KAT6B: variants seen among roughly 807,000 people sequenced by gnomAD.
KAT6B encodes the protein lysine acetyltransferase 6B.
In KAT6B, 10 loss-of-function variants were observed where a neutral mutation model predicts 187.5. That is an observed-to-expected ratio of 0.05 (90% CI 0.03 to 0.09). KAT6B has a LOEUF of 0.09. Ranked by LOEUF, KAT6B falls within the 10% of genes least tolerant of loss-of-function variation. The probability of loss-of-function intolerance (pLI) is 1.00; values close to 1 mark genes in which losing one functional copy is unlikely to be tolerated. For missense variants in KAT6B, 1,952 were observed against 2,558.9 expected, an observed-to-expected ratio of 0.76 and a Z score of 5.12; for synonymous variants, 861 against 926.8, an observed-to-expected ratio of 0.93 and a Z score of 1.29.
chr10:74,914,323 A>G lies in KAT6B; in HGVS notation c.622-45647A>G, dbSNP rs796556714. On this transcript the variant is annotated intron_variant, in intron 3 of 17. Coordinates refer to ENST00000287239, the MANE Select transcript of KAT6B (RefSeq NM_012330.4). ...AGAAATTTTAAGTCCTGTGACAGAA[A>G]ACAAATGCTGTTCTCACAAAATATG... 1.6e-3 allele frequency among the ~76,000 whole-genome samples: 237 copies of G among 152,340 alleles called. 1 individual carries two copies. The highest frequency in any genetic ancestry group is 5.3e-3 in the African/African-American group (221 of 41,586).
chr10:74,853,564 G>A (rs905124732), intron 3 of KAT6B, among the ~76,000 whole-genome samples: 2 of 151,570 alleles, frequency 1.3e-5, no homozygotes, highest in African/African-American at 4.9e-5. Flanking sequence ...AAAGTACTGG[G>A]GTTATAGGCG....
intron 3 of KAT6B, among the ~76,000 whole-genome samples, chr10:74,887,179 A>G (rs1845342047): frequency 6.6e-6 from 1 of 152,028 alleles, no homozygotes. Flanking sequence ...CAGGTCAGGG[A>G]TGCAGTTCTG....
At chr10:74,960,148 C>T in intron 4 of KAT6B, 70 bp downstream of exon 4, 1 of 994,766 alleles carries the variant, frequency 1.0e-6, no homozygotes, top group Non-Finnish European at 1.6e-6. Context: ...ATTTGTCTCT[C>T]TATTAAAACT....
At position 75,022,135 on chromosome 10, in the gene KAT6B, GGAGGAAGAA is replaced by G. The variant is rs746473801; in HGVS notation, c.3288_3296del (p.Glu1102_Glu1104del). 2.9e-5 allele frequency: 46 copies of G among 1,598,400 alleles called. No individual in the cohort carries two copies. The highest frequency in any genetic ancestry group is 4.5e-5 in the East Asian group (2 of 44,518). ...AGGAAGAAGAGGAAGAGGATGAAGA[GGAGGAAGAA>G]GAGGAAGAAGAAGAAGAAGAAGAAG... On this transcript the variant is annotated inframe_deletion, in exon 16 of 18. Coordinates refer to ENST00000287239, the MANE Select transcript of KAT6B (RefSeq NM_012330.4).
At chr10:74,873,343 T>C (rs1160316048) in intron 3 of KAT6B, among the ~76,000 whole-genome samples, 3 of 149,604 alleles carry the variant, frequency 2.0e-5, no homozygotes, top group Non-Finnish European at 4.4e-5. Context: ...CATGTGCCTG[T>C]GGTTCCAGCT....
At chr10:74,933,913 CGGT>C (rs922995657) in intron 3 of KAT6B, among the ~76,000 whole-genome samples, 1 of 152,050 alleles carries the variant, frequency 6.6e-6, no homozygotes, top group African/African-American at 2.4e-5. Context: ...TGGCCGGGTG[CGGT>C]GGCTTATGCC....
chr10:74,830,980 G>A lies in KAT6B; in HGVS notation c.-329+4195G>A, dbSNP rs181622347. 1.1e-3 allele frequency among the ~76,000 whole-genome samples: 173 copies of A among 150,556 alleles called. 1 individual carries two copies. The highest frequency in any genetic ancestry group is 9.3e-3 in the Admixed American group (140 of 15,104). ...TTTTTTGTATTTTTAGTAGAGATGG[G>A]GTTTTGCCATGTTGGGCAGGCTTGT... On this transcript the variant is annotated intron_variant, in intron 1 of 17. Coordinates refer to ENST00000287239, the MANE Select transcript of KAT6B (RefSeq NM_012330.4).
At chr10:74,839,439 C>G (rs1218254071) in intron 2 of KAT6B, among the ~76,000 whole-genome samples, 1 of 151,916 alleles carries the variant, frequency 6.6e-6, no homozygotes, top group African/African-American at 2.4e-5. Context: ...ACCATGTTGG[C>G]CAGGCTGGTC....
At chr10:74,953,256 T>C (rs1459425894) in intron 3 of KAT6B, among the ~76,000 whole-genome samples, 1 of 152,130 alleles carries the variant, frequency 6.6e-6, no homozygotes, top group Admixed American at 6.5e-5. Context: ...TTTTATAGAG[T>C]AATTCTAAAC....
intron 12 of KAT6B, among the ~76,000 whole-genome samples, chr10:74,985,700 C>T (rs1259454232): frequency 6.6e-6 from 1 of 152,162 alleles, no homozygotes; most frequent in Non-Finnish European, 1.5e-5. Context: ...ACACTTTTGT[C>T]TCTTATTCTC....
At chr10:74,962,367 T>C (rs1254280800) in intron 4 of KAT6B, among the ~76,000 whole-genome samples, 1 of 152,222 alleles carries the variant, frequency 6.6e-6, no homozygotes, top group African/African-American at 2.4e-5. Context: ...CTCAACAGTG[T>C]CCTCAAATAA....
chr10:74,864,729 T>C (rs1198930770), intron 3 of KAT6B, among the ~76,000 whole-genome samples: 1 of 152,132 alleles, frequency 6.6e-6, no homozygotes, highest in Non-Finnish European at 1.5e-5. Flanking sequence ...GTGTTTTGAA[T>C]TGAGGTTAGT....
intron 3 of KAT6B, among the ~76,000 whole-genome samples, chr10:74,920,000 T>C (rs1413513294): frequency 6.6e-6 from 1 of 152,232 alleles, no homozygotes; most frequent in Non-Finnish European, 1.5e-5. Context: ...ACCTGTATTT[T>C]CAATATCTGA....
At chr10:74,945,093 A>G (rs1839852247) in intron 3 of KAT6B, among the ~76,000 whole-genome samples, 1 of 152,222 alleles carries the variant, frequency 6.6e-6, no homozygotes, top group African/African-American at 2.4e-5. Context: ...AAGTTTATTC[A>G]TAGAGCCCCA....
At chr10:74,840,118 T>G (rs979766097) in intron 2 of KAT6B, among the ~76,000 whole-genome samples, 1 of 152,198 alleles carries the variant, frequency 6.6e-6, no homozygotes, top group Non-Finnish European at 1.5e-5. Context: ...AGATCTGGGA[T>G]TTTTAGTTGG....
chr10:75,029,909 T>C lies in KAT6B; in HGVS notation c.5085T>C (p.Cys1695=). The C allele has an allele frequency of 6.2e-7, 1 of 1,614,202 alleles. No homozygotes were observed. Among genetic ancestry groups the C allele is most frequent in the Non-Finnish European group, 8.5e-7 (1 of 1,180,034 alleles). The change falls in exon 18 of 18, where the codon TGT becomes TGC. Residue 1695 remains cysteine (C), a synonymous_variant. Transcript: ENST00000287239. This position sits in a 1 kb window ranked among gnomAD's most constrained non-coding sequence, Gnocchi z 6.2. ...ATTCTACTATGGGAGGCAGCATCTG[T>C]GGAAACGGCTCTTCACAGAACAGCT... ...SYDSTMGGSI[C]GNGSSQNSCS... is the part of the protein sequence containing the mutation.
Position 74,994,803 on chromosome 10 carries a change from T to TA in KAT6B, c.2629+5708dup, listed in dbSNP as rs79401012. Among the ~76,000 whole-genome samples, 559 of 135,956 alleles carry TA rather than the reference T, an allele frequency of 4.1e-3. 1 individual carries two copies. Among genetic ancestry groups the TA allele is most frequent in the South Asian group, 0.01 (43 of 4,200 alleles). The allele number at this position is 135,956 out of a possible 152,430, so 89.2% of individuals were successfully genotyped here. A position where few individuals can be genotyped will look rare whatever the true frequency, so the allele number is the denominator to read the frequency against. ...GGTGAAAAAGCAAGACTTCATCTGT[T>TA]AAAAAAAAAAAAAAAAATGGAGGAA... On this transcript the variant is annotated intron_variant, in intron 13 of 17. Coordinates refer to ENST00000287239, the MANE Select transcript of KAT6B (RefSeq NM_012330.4).
chr10:75,029,063 A>G lies in KAT6B; in HGVS notation c.4239A>G (p.Glu1413=), dbSNP rs140636550. The stretch of plus-strand genomic sequence containing the variant: ...TGGATGATCACGAAGAGGAGGAGGA[A>G]GAGGATGAAGAGCCATCCCACAACG... ...ARLDDHEEEE[E]EDEEPSHNED... Residue 1413 remains glutamate (E), a synonymous_variant, in exon 18 of 18, where the codon GAA becomes GAG. Transcript: ENST00000287239. The surrounding 1 kb of genome is among the most constrained non-coding windows in gnomAD (Gnocchi z 6.2). 6.9e-5 allele frequency: 111 copies of G among 1,614,200 alleles called. 2 individuals are homozygous for G. In the African/African-American group the frequency reaches 1.3e-3, roughly 19 times the overall value.
At chr10:75,006,723 T>A (rs904204755) in intron 13 of KAT6B, among the ~76,000 whole-genome samples, 2 of 152,086 alleles carry the variant, frequency 1.3e-5, no homozygotes, top group Non-Finnish European at 2.9e-5. Flanking sequence ...ATTACAGGCA[T>A]GAGCCACTGC....
Sources: allele counts gnomAD v4.1 joint callset (sites outside exome capture counted in the v4.1 genomes callset), GRCh38; gene constraint gnomAD v4.1.1; non-coding constraint Gnocchi (gnomAD v3.1); transcripts MANE v1.5; gene names NCBI Gene and HGNC (gene_info 2026-07-23, HGNC 2026-07-21).